The following NTM variants were observed in gnomAD, a reference collection of about 807,000 sequenced individuals.
NTM encodes neurotrimin, also known as IgLON family member 2.
NTM carries 13 observed loss-of-function variants against 42.1 expected under a neutral mutation model. That is an observed-to-expected ratio of 0.31 (90% CI 0.20 to 0.49). The LOEUF is 0.49. Ranked by LOEUF, NTM falls within the 20% of genes least tolerant of loss-of-function variation. NTM has a pLI of 0.99. For synonymous variants in NTM, 187 were observed against 179.2 expected (o/e 1.04, Z -0.35); for missense variants, 373 against 452.8 (o/e 0.82, Z 1.60).
chr11:131,912,112 A>T (rs1268591344), intron 2 of NTM, among the ~76,000 whole-genome samples: 1 of 151,996 alleles, frequency 6.6e-6, no homozygotes, highest in Non-Finnish European at 1.5e-5. Flanking sequence ...TGGCTCCTGC[A>T]CTCTGGGAGA....
intron 1 of NTM, among the ~76,000 whole-genome samples, chr11:131,880,516 G>A (rs1271994683): frequency 6.6e-6 from 1 of 152,212 alleles, no homozygotes; most frequent in African/African-American, 2.4e-5. Context: ...GATTAGCAGA[G>A]AAGCTCCTCA....
intron 6 of NTM, among the ~76,000 whole-genome samples, chr11:132,310,846 C>G (rs1238962050): frequency 6.6e-6 from 1 of 152,138 alleles, no homozygotes; most frequent in African/African-American, 2.4e-5. Context: ...CATTTCCAGG[C>G]TTTATCAAAT....
chr11:131,579,324 G>T (rs2058194455), intron 1 of NTM, among the ~76,000 whole-genome samples: 1 of 152,192 alleles, frequency 6.6e-6, no homozygotes, highest in Non-Finnish European at 1.5e-5. Context: ...TATCTGTTTT[G>T]CTGATTGTAA....
chr11:131,600,481 C>G (rs141344396), intron 1 of NTM, among the ~76,000 whole-genome samples: 1 of 152,084 alleles, frequency 6.6e-6, no homozygotes, highest in Admixed American at 6.5e-5. Flanking sequence ...CAGCAATGGG[C>G]TTTTGGCTGC....
Position 131,649,144 on chromosome 11 carries a change from G to A in NTM, c.83-262420G>A, listed in dbSNP as rs1265034017. 4.6e-5 allele frequency among the ~76,000 whole-genome samples: 7 copies of A among 152,188 alleles called. No homozygotes were observed. The East Asian group carries it at 1.3e-3, about 29-fold the overall frequency. The stretch of plus-strand genomic sequence containing the variant: ...GGCACTCAAGCCATAACATTGTAGT[G>A]GAAGATGGCAAGCTCAGATCAAGTG... On this transcript the variant is annotated intron_variant, in intron 1 of 8. Coordinates refer to ENST00000683400, the MANE Select transcript of NTM (RefSeq NM_001352005.2).
At chr11:131,597,546 G>C (rs1243225044) in intron 1 of NTM, among the ~76,000 whole-genome samples, 2 of 152,106 alleles carry the variant, frequency 1.3e-5, no homozygotes, top group Non-Finnish European at 2.9e-5. Flanking sequence ...GGCCTAAGGC[G>C]CGCAAGTTCC....
chr11:131,625,174 C>G (rs1445642091), intron 1 of NTM, among the ~76,000 whole-genome samples: 1 of 152,142 alleles, frequency 6.6e-6, no homozygotes, highest in Non-Finnish European at 1.5e-5. Context: ...TACTCAAGCT[C>G]TATTTTAAGG....
chr11:131,399,567 AGGGT>A (rs1276802119), intron 1 of NTM, among the ~76,000 whole-genome samples: 5 of 152,192 alleles, frequency 3.3e-5, no homozygotes, highest in African/African-American at 4.8e-5. Flanking sequence ...ACTGAGTGAT[AGGGT>A]GGGGCTTTGA....
intron 2 of NTM, among the ~76,000 whole-genome samples, chr11:131,923,723 G>A (rs1404155553): frequency 1.3e-5 from 2 of 152,212 alleles, no homozygotes; most frequent in Non-Finnish European, 2.9e-5. Context: ...ATCAGGCTGT[G>A]AGCCTGAAGT....
chr11:132,335,096 T>G lies in NTM; in HGVS notation c.1018T>G (p.Cys340Gly). 2 of 1,612,680 alleles carry G rather than the reference T, an allele frequency of 1.2e-6. No homozygotes were observed. The highest frequency in any genetic ancestry group is 1.7e-6 in the Non-Finnish European group (2 of 1,179,980). ...CAACGGCACGTCGAGGAGGGCAGGC[T>G]GCGTCTGGCTGCTGCCTCTTCTGGT... Reference protein sequence around the residue: ...VSNGTSRRAGCVWLLPLLVLH... With the variant: ...VSNGTSRRAGGVWLLPLLVLH... The change falls in exon 9 of 9, where the codon TGC (cysteine) becomes GGC (glycine). Residue 340 changes from cysteine (C) to glycine (G), a missense_variant. Around this residue, in one of 3 missense-constraint regions of NTM, gnomAD observed 312 missense variants for 353.5 expected, o/e 0.88. Coordinates refer to ENST00000683400, the MANE Select transcript of NTM (RefSeq NM_001352005.2).
chr11:132,113,132 A>G (rs2063444872), intron 2 of NTM, among the ~76,000 whole-genome samples: 1 of 152,192 alleles, frequency 6.6e-6, no homozygotes, highest in South Asian at 2.1e-4. Context: ...CATCATGCAC[A>G]CTACCTGATT....
chr11:131,674,396 C>G (rs909400199), intron 1 of NTM, among the ~76,000 whole-genome samples: 1 of 152,344 alleles, frequency 6.6e-6, no homozygotes, highest in Middle Eastern at 3.4e-3. Context: ...GTGTTTGTGG[C>G]TTAGCGGCTG....
intron 3 of NTM, among the ~76,000 whole-genome samples, chr11:132,165,046 G>A (rs2075040616): frequency 5.9e-5 from 9 of 152,216 alleles, no homozygotes; most frequent in African/African-American, 1.9e-4. Flanking sequence ...TAGGCTACAT[G>A]CTGTCCAGTG....
At chr11:132,089,007 C>T (rs1006560981) in intron 2 of NTM, among the ~76,000 whole-genome samples, 1 of 152,026 alleles carries the variant, frequency 6.6e-6, no homozygotes, top group Non-Finnish European at 1.5e-5. Context: ...GAAACTCTTA[C>T]AAAATTGCCC....
chr11:132,235,860 A>G (rs118005652), intron 4 of NTM, among the ~76,000 whole-genome samples: 1,733 of 152,296 alleles, frequency 0.011, 17 homozygotes, highest in Non-Finnish European at 0.019. Context: ...AATTATCAGA[A>G]CTACTTAGTA....
intron 1 of NTM, among the ~76,000 whole-genome samples, chr11:131,427,828 A>G (rs1032079312): frequency 2.6e-5 from 4 of 152,256 alleles, no homozygotes; most frequent in Middle Eastern, 3.4e-3. Flanking sequence ...GTGCTTTGCA[A>G]TCTTGACCCC....
chr11:132,194,571 CACTCTCACCAGACCTAT>C (rs1318508251), intron 3 of NTM, among the ~76,000 whole-genome samples: 5 of 152,044 alleles, frequency 3.3e-5, no homozygotes, highest in African/African-American at 1.2e-4. Flanking sequence ...CAATTATTAC[CACTCTCACCAGACCTAT>C]GTAACATAAT....
chr11:132,162,609 G>A (rs1301243822), intron 3 of NTM, among the ~76,000 whole-genome samples: 1 of 147,918 alleles, frequency 6.8e-6, no homozygotes, highest in African/African-American at 2.5e-5. Context: ...CATGTGTGGG[G>A]GACATGTGTG....
At chr11:131,526,874 T>A (rs426913) in intron 1 of NTM, among the ~76,000 whole-genome samples, 32,819 of 152,132 alleles carry the variant, frequency 0.22, 3,813 homozygotes, top group African/African-American at 0.31. Flanking sequence ...TGACAAAAAA[T>A]ATTTATACTT....
Sources: gnomAD v4.1 joint callset for allele counts (sites outside exome capture counted in the v4.1 genomes callset) on GRCh38, gnomAD v4.1.1 for gene constraint, gnomAD v4.1.1 regional missense constraint, MANE v1.5 for transcripts, NCBI Gene and HGNC (gene_info 2026-07-23, HGNC 2026-07-21) for gene names.